Variants in NFXL1 observed in about 807,000 individuals in gnomAD.
NFXL1 encodes the protein nuclear transcription factor, X-box binding like 1, also known as NF-X1-type zinc finger protein NFXL1.
In NFXL1, 66 loss-of-function variants were observed where a neutral mutation model predicts 123.3. The observed-to-expected ratio is 0.54, with a 90% CI of 0.44 to 0.66. NFXL1 has a LOEUF of 0.66. NFXL1 is among the 30% of genes least tolerant of loss of function. The probability of loss-of-function intolerance (pLI) is 0.00; values close to 1 mark genes in which losing one functional copy is unlikely to be tolerated. For missense variants in NFXL1, 944 were observed against 1,125.6 expected, an observed-to-expected ratio of 0.84 and a Z score of 2.31; for synonymous variants, 346 against 360.8, an observed-to-expected ratio of 0.96 and a Z score of 0.46.
At chr4:47,857,543 C>T (rs1734484438) in intron 19 of NFXL1, among the ~76,000 whole-genome samples, 1 of 152,222 alleles carries the variant, frequency 6.6e-6, no homozygotes, top group Non-Finnish European at 1.5e-5. Context: ...CTCATCTTCA[C>T]AATTTCATTG....
At chr4:47,884,312 G>GA (rs1553925139) in intron 15 of NFXL1, 34 bp downstream of exon 15, 36 of 970,290 alleles carry the variant, frequency 3.7e-5, no homozygotes, top group Non-Finnish European at 5.2e-5. Flanking sequence ...AAAGTTTTTT[G>GA]TTTTTTTTTT....
intron 5 of NFXL1, among the ~76,000 whole-genome samples, chr4:47,902,070 T>C (rs998706354): frequency 1.3e-5 from 2 of 152,048 alleles, no homozygotes; most frequent in African/African-American, 4.8e-5. Flanking sequence ...TAATCCCACC[T>C]ACTCTGGAGG....
chr4:47,909,906 C>T (rs1013117063), intron 3 of NFXL1, among the ~76,000 whole-genome samples: 2 of 152,108 alleles, frequency 1.3e-5, no homozygotes, highest in South Asian at 2.1e-4. Context: ...AGTGATCCCC[C>T]GGCCTCGGCC....
chr4:47,913,952 G>A lies in NFXL1; in HGVS notation c.235+17C>T. ...AGGAGGCATCCAGGTGAGCACGCGGGCGGGAGCCATTCTCACCGCTGGCTG... is the reference window on the plus strand; with the variant it reads ...AGGAGGCATCCAGGTGAGCACGCGGACGGGAGCCATTCTCACCGCTGGCTG... On this transcript the variant is annotated intron_variant, in intron 2 of 22. Coordinates refer to ENST00000507489, the MANE Select transcript of NFXL1 (RefSeq NM_001278624.2). The A allele has an allele frequency of 5.2e-6, 8 of 1,527,634 alleles. No individual in the cohort carries two copies. Among genetic ancestry groups the A allele is most frequent in the Non-Finnish European group, 7.1e-6 (8 of 1,131,202 alleles). The allele number at this position is 1,527,634 out of a possible 1,614,324, so 94.6% of individuals were successfully genotyped here.
Position 47,850,717 on chromosome 4 carries a change from T to C in NFXL1, c.2562+378A>G, listed in dbSNP as rs535611252. On this transcript the variant is annotated intron_variant, in intron 22 of 22. Coordinates refer to ENST00000507489, the MANE Select transcript of NFXL1 (RefSeq NM_001278624.2). ...ATAGGTGGTCTGCAACTCAGTAAAATAGAACTCAAATACTTTTAGTTAAGT... is the reference window on the plus strand; with the variant it reads ...ATAGGTGGTCTGCAACTCAGTAAAACAGAACTCAAATACTTTTAGTTAAGT... 2.5e-4 allele frequency among the ~76,000 whole-genome samples: 38 copies of C among 152,184 alleles called. No individual in the cohort carries two copies. The South Asian group carries it at 5.6e-3, about 22-fold the overall frequency.
intron 2 of NFXL1, among the ~76,000 whole-genome samples, chr4:47,911,716 G>C (rs766674463): frequency 6.6e-6 from 1 of 152,172 alleles, no homozygotes; most frequent in African/African-American, 2.4e-5. Flanking sequence ...AGCACTACCT[G>C]TACTTCTCAT....
intron 11 of NFXL1, 101 bp from the exon 12 acceptor site, chr4:47,890,804 C>A: frequency 1.6e-6 from 1 of 630,722 alleles, no homozygotes; most frequent in Non-Finnish European, 2.8e-6. Context: ...AAAAGATACA[C>A]TTTTCACTAA....
chr4:47,898,551 TGTTA>T (rs998250263), intron 8 of NFXL1, among the ~76,000 whole-genome samples: 3 of 152,100 alleles, frequency 2.0e-5, no homozygotes, highest in African/African-American at 7.2e-5. Flanking sequence ...AACAAATAGC[TGTTA>T]CTTTGAAAAA....
At chr4:47,888,239 A>G (rs1466977165) in intron 12 of NFXL1, among the ~76,000 whole-genome samples, 1 of 152,200 alleles carries the variant, frequency 6.6e-6, no homozygotes, top group Non-Finnish European at 1.5e-5. Flanking sequence ...GCGCCACTGC[A>G]CTCCAGCCTG....
intron 18 of NFXL1, among the ~76,000 whole-genome samples, chr4:47,867,594 A>G (rs1027629422): frequency 6.6e-6 from 1 of 152,158 alleles, no homozygotes; most frequent in East Asian, 1.9e-4. Context: ...TTTATCAAAA[A>G]TTATTAACCC....
chr4:47,888,259 A>G (rs1736563861), intron 12 of NFXL1, among the ~76,000 whole-genome samples: 1 of 152,160 alleles, frequency 6.6e-6, no homozygotes, highest in Non-Finnish European at 1.5e-5. Context: ...GGTGACAGAG[A>G]GAGACTCCGT....
chr4:47,867,131 C>T (rs1354981004), intron 18 of NFXL1, among the ~76,000 whole-genome samples: 5 of 151,998 alleles, frequency 3.3e-5, no homozygotes, highest in African/African-American at 1.2e-4. Flanking sequence ...TGGCAAATTA[C>T]CCAATATGAG....
Position 47,884,377 on chromosome 4 carries a change from G to A in NFXL1, c.1885C>T (p.Pro629Ser). The change falls in exon 15 of 23, where the codon CCG becomes TCG. Residue 629 changes from proline to serine, a missense_variant. Pro to Ser is a moderately conservative substitution (Grantham distance 74). Coordinates refer to ENST00000507489, the MANE Select transcript of NFXL1 (RefSeq NM_001278624.2). ...SEPAFIQTAL[P>S]CPPCQVPIPM... ...ATAGGAACTTGACATGGAGGACACGGTAATGCAGTCTGAATAAATGCTGGC... is the reference window on the plus strand; with the variant it reads ...ATAGGAACTTGACATGGAGGACACGATAATGCAGTCTGAATAAATGCTGGC... 2 of 1,608,874 alleles carry A rather than the reference G, an allele frequency of 1.2e-6. No individual in the cohort carries two copies. The highest frequency in any genetic ancestry group is 1.7e-6 in the Non-Finnish European group (2 of 1,175,752).
At chr4:47,895,100 G>C (rs1737006622) in intron 10 of NFXL1, among the ~76,000 whole-genome samples, 1 of 152,206 alleles carries the variant, frequency 6.6e-6, no homozygotes, top group East Asian at 1.9e-4. Flanking sequence ...TATTTTGAAA[G>C]GAATATTTCC....
chr4:47,902,987 C>T (rs1317495834), intron 5 of NFXL1, among the ~76,000 whole-genome samples: 1 of 152,068 alleles, frequency 6.6e-6, no homozygotes, highest in Non-Finnish European at 1.5e-5. Flanking sequence ...AACCCTGTGT[C>T]TACTAAAAAT....
At chr4:47,879,376 T>C (rs181405790) in intron 15 of NFXL1, among the ~76,000 whole-genome samples, 58 of 152,210 alleles carry the variant, frequency 3.8e-4, no homozygotes, top group Non-Finnish European at 8.1e-4. Context: ...TTTAACAAAA[T>C]ATATACAAGA....
At chr4:47,877,048 A>G in intron 17 of NFXL1, 1 of 1,248,180 alleles carries the variant, frequency 8.0e-7, no homozygotes, top group Non-Finnish European at 1.1e-6. Context: ...CCTATGTGGT[A>G]CACCTACAAA....
intron 12 of NFXL1, among the ~76,000 whole-genome samples, chr4:47,890,394 T>C (rs538170694): frequency 6.6e-6 from 1 of 152,308 alleles, no homozygotes; most frequent in South Asian, 2.1e-4. Flanking sequence ...TACTAGACAT[T>C]TCCCTGAGTA....
chr4:47,875,121 A>G lies in NFXL1; in HGVS notation c.2246+6T>C. 1 of 1,582,598 alleles carries G rather than the reference A, an allele frequency of 6.3e-7. No homozygotes were observed. Among genetic ancestry groups the G allele is most frequent in the African/African-American group, 1.3e-5 (1 of 74,094 alleles). On this transcript the variant is annotated splice_donor_region_variant and intron_variant, in intron 18 of 22. Transcript: ENST00000507489. ...TAAAATAAGACTTTTTTTTCAGTCT[A>G]CTTACCTACATTCCACATACAGGCT...
Sources: allele counts gnomAD v4.1 joint callset (sites outside exome capture counted in the v4.1 genomes callset), GRCh38; gene constraint gnomAD v4.1.1; transcripts MANE v1.5; gene names NCBI Gene and HGNC (gene_info 2026-07-23, HGNC 2026-07-21).